VPS13B: variants seen among roughly 807,000 people sequenced by gnomAD.
The protein encoded by VPS13B is intermembrane lipid transfer protein VPS13B.
Under a neutral mutation model 426.4 loss-of-function variants are expected in VPS13B, and 285 were observed. The observed-to-expected ratio is 0.67, with a 90% CI of 0.61 to 0.74. The LOEUF is 0.74. Ranked by LOEUF, VPS13B falls within the 30% of genes least tolerant of loss-of-function variation. The pLI is 0.00. For synonymous variants in VPS13B, 1,676 were observed against 1,676.4 expected, an observed-to-expected ratio of 1.00 and a Z score of 0.01; for missense variants, 4,537 against 4,782.6, an observed-to-expected ratio of 0.95 and a Z score of 1.51.
At chr8:99,505,016 A>T (rs1230367019) in intron 27 of VPS13B, among the ~76,000 whole-genome samples, 1 of 152,228 alleles carries the variant, frequency 6.6e-6, no homozygotes, top group Non-Finnish European at 1.5e-5. Context: ...CATTAATGTT[A>T]TAGAGATGCC....
intron 30 of VPS13B, among the ~76,000 whole-genome samples, chr8:99,527,647 C>G (rs1191820182): frequency 1.3e-5 from 2 of 152,152 alleles, no homozygotes; most frequent in South Asian, 2.1e-4. Flanking sequence ...TTTTTCAGGT[C>G]CTTGTCTCAA....
intron 19 of VPS13B, among the ~76,000 whole-genome samples, chr8:99,303,729 T>TAAAAAAAAA (rs1820494395): frequency 2.3e-4 from 1 of 4,424 alleles, no homozygotes; most frequent in South Asian, 0.019. Context: ...AGACTCCGTC[T>TAAAAAAAAA]CAAAAAAAAA....
chr8:99,615,451 T>C (rs1828046235), intron 33 of VPS13B, among the ~76,000 whole-genome samples: 1 of 152,202 alleles, frequency 6.6e-6, no homozygotes, highest in Non-Finnish European at 1.5e-5. Context: ...GAAATTATGC[T>C]CATTGAAAAC....
chr8:99,155,302 T>C (rs1811298784), intron 14 of VPS13B, among the ~76,000 whole-genome samples: 1 of 152,190 alleles, frequency 6.6e-6, no homozygotes, highest in African/African-American at 2.4e-5. Context: ...CAGATAATTC[T>C]CACAGGTGTA....
intron 36 of VPS13B, among the ~76,000 whole-genome samples, chr8:99,713,322 GTAGA>G (rs1279602083): frequency 6.6e-6 from 1 of 151,914 alleles, no homozygotes; most frequent in African/African-American, 2.4e-5. Flanking sequence ...CTTTTTTTTA[GTAGA>G]TAATTACCTT....
At chr8:99,217,759 T>C (rs181814144) in intron 17 of VPS13B, among the ~76,000 whole-genome samples, 170 of 152,274 alleles carry the variant, frequency 1.1e-3, no homozygotes, top group Middle Eastern at 3.4e-3. Context: ...AAAAAAAGTA[T>C]GGAAAAAGAA....
At chr8:99,299,052 C>CT (rs11302301) in intron 19 of VPS13B, among the ~76,000 whole-genome samples, 901 of 55,052 alleles carry the variant, frequency 0.016, 66 homozygotes, top group African/African-American at 0.064. Context: ...TATTCCACCA[C>CT]TTTTTTTTTT....
At chr8:99,147,158 C>T (rs1227350639) in intron 13 of VPS13B, among the ~76,000 whole-genome samples, 2 of 152,178 alleles carry the variant, frequency 1.3e-5, no homozygotes, top group Non-Finnish European at 2.9e-5. Context: ...GTTGCCCAGG[C>T]TGGAGTACAG....
At chr8:99,117,899 T>C (rs1588056411) in intron 7 of VPS13B, among the ~76,000 whole-genome samples, 1 of 152,118 alleles carries the variant, frequency 6.6e-6, no homozygotes, top group Admixed American at 6.6e-5. Flanking sequence ...TCCCACTGAA[T>C]TGTACACCTT....
At chr8:99,388,196 G>T (rs1019976941) in intron 20 of VPS13B, among the ~76,000 whole-genome samples, 1 of 152,124 alleles carries the variant, frequency 6.6e-6, no homozygotes, top group Non-Finnish European at 1.5e-5. Flanking sequence ...GTAAGTGAAT[G>T]CAGGTGTAAA....
At chr8:99,623,934 AG>A (rs1828475689) in intron 33 of VPS13B, among the ~76,000 whole-genome samples, 2 of 149,972 alleles carry the variant, frequency 1.3e-5, no homozygotes, top group South Asian at 4.2e-4. Context: ...GTAATGTGAA[AG>A]GGGCTCACAT....
intron 7 of VPS13B, among the ~76,000 whole-genome samples, chr8:99,118,858 T>A (rs1299007727): frequency 6.6e-6 from 1 of 152,222 alleles, no homozygotes; most frequent in Non-Finnish European, 1.5e-5. Flanking sequence ...TCATAGATAT[T>A]TTTGTACAAA....
intron 17 of VPS13B, among the ~76,000 whole-genome samples, chr8:99,197,240 T>C (rs1470189511): frequency 6.6e-6 from 1 of 152,188 alleles, no homozygotes; most frequent in African/African-American, 2.4e-5. Context: ...TGTTGAGAAT[T>C]TTTACATCTA....
intron 22 of VPS13B, among the ~76,000 whole-genome samples, chr8:99,437,821 A>G (rs561631328): frequency 1.3e-5 from 2 of 152,314 alleles, no homozygotes. Flanking sequence ...ATACCTGCTC[A>G]TTAACAAAGA....
intron 34 of VPS13B, among the ~76,000 whole-genome samples, chr8:99,646,241 A>C (rs1829570551): frequency 6.6e-6 from 1 of 152,212 alleles, no homozygotes; most frequent in Admixed American, 6.5e-5. Context: ...TTGGGTGGGC[A>C]CAGTGTCTCA....
At position 99,868,820 on chromosome 8, in the gene VPS13B, G is replaced by A. The variant is rs145899551; in HGVS notation, c.11392+355G>A. On this transcript the variant is annotated intron_variant, in intron 59 of 61. Transcript: ENST00000357162. ...TGGAAGGAGAGAGAGGCTGTGGGAAGATAACTCTAAGAAGCAGTAGAGAAT... is the reference window on the plus strand; with the variant it reads ...TGGAAGGAGAGAGAGGCTGTGGGAAAATAACTCTAAGAAGCAGTAGAGAAT... Among the ~76,000 whole-genome samples, 11 of 152,330 alleles carry A rather than the reference G, an allele frequency of 7.2e-5. No individual in the cohort carries two copies. In the East Asian group the frequency reaches 2.1e-3, roughly 29 times the overall value.
chr8:99,812,078 A>G (rs529456572), intron 44 of VPS13B, among the ~76,000 whole-genome samples: 1 of 152,336 alleles, frequency 6.6e-6, no homozygotes, highest in South Asian at 2.1e-4. Flanking sequence ...AATATTACAC[A>G]TCGCAACAGT....
At chr8:99,303,139 G>C (rs72672355) in intron 19 of VPS13B, among the ~76,000 whole-genome samples, 11,211 of 151,444 alleles carry the variant, frequency 0.074, 514 homozygotes, top group African/African-American at 0.13. Context: ...AATTAGCTGG[G>C]CGTGGTAGAA....
chr8:99,696,289 C>T (rs1443136904), intron 35 of VPS13B: 2 of 225,450 alleles, frequency 8.9e-6, no homozygotes, highest in Admixed American at 5.2e-5. Context: ...TGTACACCCC[C>T]ACCCCACAGA....
Sources: allele counts gnomAD v4.1 joint callset (sites outside exome capture counted in the v4.1 genomes callset), GRCh38; gene constraint gnomAD v4.1.1; transcripts MANE v1.5; gene names NCBI Gene and HGNC (gene_info 2026-07-23, HGNC 2026-07-21).